TBCD: variants seen among roughly 807,000 people sequenced by gnomAD.
TBCD encodes tubulin folding cofactor D, also known as tubulin-specific chaperone D.
A neutral mutation model predicts 169.3 loss-of-function variants in TBCD; 105 were observed. The observed-to-expected ratio is 0.62, with a 90% CI of 0.53 to 0.73. The LOEUF (loss-of-function observed/expected upper bound fraction) is 0.73, where lower values mean the gene tolerates loss of function less well. Among genes scored for constraint, TBCD ranks in the 30% least tolerant of loss-of-function variants. TBCD has a pLI of 0.00. For missense variants in TBCD, 1,444 were observed against 1,600.1 expected, an observed-to-expected ratio of 0.90 and a Z score of 1.66; for synonymous variants, 700 against 643.9, an observed-to-expected ratio of 1.09 and a Z score of -1.32.
intron 14 of TBCD, among the ~76,000 whole-genome samples, chr17:82,870,836 C>T (rs1320391885): frequency 1.3e-5 from 2 of 152,252 alleles, no homozygotes; most frequent in African/African-American, 4.8e-5. Context: ...CTTTCAAGTT[C>T]CTCTGGAATA....
chr17:82,805,925 A>G lies in TBCD; in HGVS notation c.1001A>G (p.Gln334Arg), dbSNP rs200305278. The G allele has an allele frequency of 1.5e-5, 25 of 1,613,118 alleles. No homozygotes were observed. The African/African-American group carries it at 2.8e-4, about 18-fold the overall frequency. The change falls in exon 10 of 39, where the codon CAG becomes CGG. Residue 334 changes from glutamine (Q) to arginine (R), a missense_variant. Transcript: ENST00000355528. ...GCTGCAAATCTGCAGCTCCTCACTC[A>G]GGGTCAGAGTGAGCAGAAGCCACTC... ...SLAANLQLLTQGQSEQKPLIL... is the reference protein window; with the variant it reads ...SLAANLQLLTRGQSEQKPLIL...
intron 34 of TBCD, among the ~76,000 whole-genome samples, chr17:82,936,748 C>T (rs77218853): frequency 0.022 from 3,425 of 152,278 alleles, 153 homozygotes; most frequent in African/African-American, 0.078. Context: ...CCTGGAGTGG[C>T]CTTCCAGGTG....
chr17:82,887,055 G>T (rs965122586), intron 15 of TBCD, among the ~76,000 whole-genome samples: 2 of 151,656 alleles, frequency 1.3e-5, no homozygotes, highest in Non-Finnish European at 2.9e-5. Flanking sequence ...TGGCAAAACC[G>T]CAATGGAACA....
rs547718642 is a variant in TBCD, at chr17:82,891,111, C to T, written c.1563+1414C>T. 2.6e-5 allele frequency among the ~76,000 whole-genome samples: 4 copies of T among 152,340 alleles called. No individual in the cohort carries two copies. In the East Asian group the frequency reaches 5.8e-4, roughly 22 times the overall value. ...CGCACTCCGCCATCACTCTGTGTTC[C>T]GGGTTCCCAGATGCTGCTTCCTGGG... is the stretch of plus-strand genomic sequence containing the variant. On this transcript the variant is annotated intron_variant, in intron 16 of 38. Coordinates refer to ENST00000355528, the MANE Select transcript of TBCD (RefSeq NM_005993.5).
In TBCD at chr17:82,929,513, C is replaced by G. The variant is rs772911534; in HGVS notation, c.2991+13C>G. The G allele has an allele frequency of 6.2e-7, 1 of 1,602,686 alleles. No homozygotes were observed. The highest frequency in any genetic ancestry group is 8.5e-7 in the Non-Finnish European group (1 of 1,179,774). ...GACGGAGTCGACGGTGAGGAGGCGTCGGGCTGGCTGGGGCAGGAGGTGGCT... is the reference window on the plus strand; with the variant it reads ...GACGGAGTCGACGGTGAGGAGGCGTGGGGCTGGCTGGGGCAGGAGGTGGCT... On this transcript the variant is annotated intron_variant, in intron 32 of 38. Transcript: ENST00000355528.
At position 82,909,294 on chromosome 17, in the gene TBCD, C is replaced by A. The variant is rs368782592; in HGVS notation, c.1993C>A (p.Arg665Ser). The change falls in exon 22 of 39, where the codon CGT (arginine) becomes AGT (serine). Residue 665 changes from arginine (R) to serine (S), a missense_variant. Physicochemically the swap from Arg to Ser is moderately radical, Grantham distance 110. Transcript: ENST00000355528. ...LKQIHQQLYD[R>S]QLYRGLGGQL... ...AGTTTTTTATTTTCAGCTCTATGATCGTCAGTTATACAGGTGAGCTTTACA... is the reference window on the plus strand; with the variant it reads ...AGTTTTTTATTTTCAGCTCTATGATAGTCAGTTATACAGGTGAGCTTTACA... 9 of 1,519,930 alleles carry A rather than the reference C, an allele frequency of 5.9e-6. No homozygotes were observed. Among genetic ancestry groups the A allele is most frequent in the African/African-American group, 1.4e-5 (1 of 72,814 alleles). The allele number at this position is 1,519,930 out of a possible 1,614,324, so 94.2% of individuals were successfully genotyped here. A position where few individuals can be genotyped will look rare whatever the true frequency, so the allele number is the denominator to read the frequency against.
At chr17:82,761,949 G>A (rs2047781884) in intron 2 of TBCD, among the ~76,000 whole-genome samples, 1 of 150,508 alleles carries the variant, frequency 6.6e-6, no homozygotes, top group African/African-American at 2.4e-5. Flanking sequence ...GGATGGTCTC[G>A]ATCTCCTGAC....
Position 82,945,799 on chromosome 17 carries a change from T to C in TBCD, c.*3336T>C, listed in dbSNP as rs1030902096. ...GCCAAATATCTTCTGGGGGTGCCCC[T>C]GGTTGAGAACCACTGCTTTAGTGGA... On this transcript the variant is annotated 3_prime_UTR_variant, in exon 39 of 39. Coordinates refer to ENST00000355528, the MANE Select transcript of TBCD (RefSeq NM_005993.5). 6.6e-6 allele frequency: 1 copy of C among 152,206 alleles called. No individual in the cohort carries two copies. The highest frequency in any genetic ancestry group is 1.5e-5 in the Non-Finnish European group (1 of 68,038). The allele number at this position is 152,206 out of a possible 1,614,324, so 9.4% of individuals were successfully genotyped here.
At chr17:82,940,409 C>T (rs2063081818) in intron 37 of TBCD, among the ~76,000 whole-genome samples, 1 of 152,158 alleles carries the variant, frequency 6.6e-6, no homozygotes, top group Non-Finnish European at 1.5e-5. Context: ...GGCCTCCGTG[C>T]TGATCCCGGT....
At chr17:82,779,462 A>G (rs973245002) in intron 6 of TBCD, among the ~76,000 whole-genome samples, 6 of 152,122 alleles carry the variant, frequency 3.9e-5, no homozygotes, top group African/African-American at 1.4e-4. Flanking sequence ...TTCTTTCCCC[A>G]TTGTTCATGC....
At chr17:82,791,123 G>C (rs574733159) in intron 7 of TBCD, among the ~76,000 whole-genome samples, 7 of 130,790 alleles carry the variant, frequency 5.4e-5, no homozygotes, top group Admixed American at 1.9e-4. Context: ...ACGGAGTCTC[G>C]CTCTGTTGCC....
intron 23 of TBCD, among the ~76,000 whole-genome samples, chr17:82,912,701 C>T (rs540480737): frequency 2.6e-5 from 4 of 152,220 alleles, no homozygotes; most frequent in Non-Finnish European, 4.4e-5. Flanking sequence ...AACCCACGGC[C>T]GGATGTCAGG....
In TBCD at chr17:82,833,924, C is replaced by T. The variant is rs542412692; in HGVS notation, c.1318+18990C>T. ...GGTTTCCTTCAGAGGCTGTGCCGCA[C>T]GCCCAAGGCTGAGAACAAAGGCTGT... On this transcript the variant is annotated intron_variant, in intron 13 of 38. Coordinates refer to ENST00000355528, the MANE Select transcript of TBCD (RefSeq NM_005993.5). This position sits in a 1 kb window ranked among gnomAD's most constrained non-coding sequence, Gnocchi z 4.7. Among the ~76,000 whole-genome samples, 8 of 151,900 alleles carry T rather than the reference C, an allele frequency of 5.3e-5. No individual in the cohort carries two copies. The highest frequency in any genetic ancestry group is 7.4e-5 in the Non-Finnish European group (5 of 67,998).
intron 13 of TBCD, among the ~76,000 whole-genome samples, chr17:82,834,048 G>A (rs1193295440): frequency 6.6e-6 from 1 of 152,058 alleles, no homozygotes; most frequent in East Asian, 1.9e-4. Context: ...GGGTTCAAGC[G>A]ATTCTCCTGC....
At chr17:82,784,323 G>A (rs2049151559) in intron 7 of TBCD, among the ~76,000 whole-genome samples, 3 of 152,250 alleles carry the variant, frequency 2.0e-5, no homozygotes, top group African/African-American at 7.2e-5. Context: ...TTTGGGCATT[G>A]CAGGTACAGA....
At position 82,833,625 on chromosome 17, in the gene TBCD, C is replaced by T. The variant is rs1030653126; in HGVS notation, c.1318+18691C>T. The stretch of plus-strand genomic sequence containing the variant: ...GCTGGCCAGGAGGCATGGCCAGCAG[C>T]GCCTGCCCGTCCAGATGCACCACCA... On this transcript the variant is annotated intron_variant, in intron 13 of 38. Coordinates refer to ENST00000355528, the MANE Select transcript of TBCD (RefSeq NM_005993.5). The surrounding 1 kb of genome is among the most constrained non-coding windows in gnomAD (Gnocchi z 4.7). Among the ~76,000 whole-genome samples the T allele has an allele frequency of 1.3e-5, 2 of 152,188 alleles. No homozygotes were observed. The highest frequency in any genetic ancestry group is 2.4e-5 in the African/African-American group (1 of 41,442).
rs144111268 is a variant in TBCD at position 82,860,824 on chromosome 17, C to T, written c.1319-9400C>T. On this transcript the variant is annotated intron_variant, in intron 13 of 38. Transcript: ENST00000355528. ...TGTCCCGAGCGGAGGGTCTCTGCCC[C>T]GCCCCTGAGGGAGGCCAGGAGGCCC... Among the ~76,000 whole-genome samples, 9 of 152,310 alleles carry T rather than the reference C, an allele frequency of 5.9e-5. No homozygotes were observed. The East Asian group carries it at 9.6e-4, about 16-fold the overall frequency.
chr17:82,798,882 A>G (rs2050296080), intron 8 of TBCD, among the ~76,000 whole-genome samples: 1 of 152,056 alleles, frequency 6.6e-6, no homozygotes, highest in Non-Finnish European at 1.5e-5. Flanking sequence ...GGCTGGGACT[A>G]CAGGCGAGCT....
intron 13 of TBCD, among the ~76,000 whole-genome samples, chr17:82,819,958 A>G (rs2052272626): frequency 6.7e-6 from 1 of 150,370 alleles, no homozygotes. Flanking sequence ...GGGGGGATGT[A>G]TTGGTTTAAG....
Sources: allele counts gnomAD v4.1 joint callset (sites outside exome capture counted in the v4.1 genomes callset), GRCh38; gene constraint gnomAD v4.1.1; non-coding constraint Gnocchi (gnomAD v3.1); transcripts MANE v1.5; gene names NCBI Gene and HGNC (gene_info 2026-07-23, HGNC 2026-07-21).